The following BLTP1 variants were observed in gnomAD, a reference collection of about 807,000 sequenced individuals.
The protein encoded by BLTP1 is fragile site-associated protein.
the BLTP1 span, chr4:122,349,753 C>A: frequency 6.5e-7 from 1 of 1,539,132 alleles, no homozygotes; most frequent in Non-Finnish European, 8.7e-7. The surrounding 1 kb of genome is among the most constrained non-coding windows in gnomAD (Gnocchi z 4.5). Context: ...ATTTATTATG[C>A]AATTAATACA....
chr4:122,308,001 A>C, the BLTP1 span: 2 of 1,613,446 alleles, frequency 1.2e-6, no homozygotes, highest in Non-Finnish European at 1.7e-6. Flanking sequence ...GGAATGAACA[A>C]CGAATGGCTT....
chr4:122,355,753 C>G, the BLTP1 span: 25 of 1,538,304 alleles, frequency 1.6e-5, no homozygotes, highest in African/African-American at 4.1e-5. Context: ...TTGTCAATGC[C>G]TATTGTTTTA....
the BLTP1 span, chr4:122,251,064 C>T: frequency 1.0e-6 from 1 of 985,308 alleles, no homozygotes; most frequent in South Asian, 4.7e-5. Flanking sequence ...ACAGTAACAG[C>T]AACAACAAAA....
chr4:122,167,573 T>A, the BLTP1 span: 1 of 726,752 alleles, frequency 1.4e-6, no homozygotes, highest in South Asian at 6.2e-5. Context: ...CTGCCCCTAC[T>A]GGCCATGGAT....
At chr4:122,351,383 A>G in the BLTP1 span, 1 of 210,686 alleles carries the variant, frequency 4.7e-6, no homozygotes, top group Admixed American at 6.5e-5. Context: ...TTAAGAAAAT[A>G]TCAAAATTCA....
At chr4:122,325,504 A>C in the BLTP1 span, 6 of 984,928 alleles carry the variant, frequency 6.1e-6, no homozygotes, top group Non-Finnish European at 7.2e-6. Context: ...TCTGAGAGCC[A>C]TGAAGCAGGT....
At chr4:122,237,269 T>C in the BLTP1 span, 1 of 985,252 alleles carries the variant, frequency 1.0e-6, no homozygotes, top group Non-Finnish European at 1.2e-6. Context: ...TAGGCAGCTA[T>C]AGAATTCTCT....
chr4:122,207,135 C>T, the BLTP1 span: 2 of 1,604,372 alleles, frequency 1.2e-6, no homozygotes, highest in African/African-American at 1.3e-5. Flanking sequence ...GGTCTAGTGA[C>T]AGTCCTCCAG....
At chr4:122,250,444 G>C in the BLTP1 span, 4 of 1,613,692 alleles carry the variant, frequency 2.5e-6, no homozygotes, top group African/African-American at 5.3e-5. Context: ...GTGGAGTGCT[G>C]ACATCCAATA....
At chr4:122,346,812 A>G in the BLTP1 span, 1 of 1,586,086 alleles carries the variant, frequency 6.3e-7, no homozygotes, top group Non-Finnish European at 8.6e-7. Flanking sequence ...CAAGACCTAC[A>G]ATTGATAACA....
the BLTP1 span, among the ~76,000 whole-genome samples, chr4:122,166,857 A>C: frequency 6.6e-6 from 1 of 152,214 alleles, no homozygotes; most frequent in Non-Finnish European, 1.5e-5. Context: ...GAGTTCACTC[A>C]TGATTTGGCT....
At chr4:122,169,633 C>G in the BLTP1 span, 2 of 961,524 alleles carry the variant, frequency 2.1e-6, no homozygotes, top group East Asian at 1.2e-4. Context: ...GTTGGTACAT[C>G]TCAATATTCA....
At chr4:122,237,099 ATAT>A in the BLTP1 span, 3 of 984,418 alleles carry the variant, frequency 3.0e-6, no homozygotes, top group Non-Finnish European at 3.6e-6. Flanking sequence ...GAAGTAACTA[ATAT>A]TATATTTTAG....
At chr4:122,184,993 T>C in the BLTP1 span, 27 of 984,296 alleles carry the variant, frequency 2.7e-5, no homozygotes, top group Non-Finnish European at 3.3e-5. Flanking sequence ...TCATATAGTA[T>C]AGAAGAGGGG....
At chr4:122,361,625 A>G in the BLTP1 span, among the ~76,000 whole-genome samples, 1 of 152,288 alleles carries the variant, frequency 6.6e-6, no homozygotes, top group Non-Finnish European at 1.5e-5. Flanking sequence ...AAGAATAGGG[A>G]AAAAATGGTT....
chr4:122,300,583 CTAAA>C, the BLTP1 span, among the ~76,000 whole-genome samples: 1 of 152,012 alleles, frequency 6.6e-6, no homozygotes, highest in Admixed American at 6.6e-5. Flanking sequence ...ATAGTACTAA[CTAAA>C]TAGATTTTTG....
chr4:122,317,995 G>A, the BLTP1 span: 6 of 697,984 alleles, frequency 8.6e-6, no homozygotes, highest in Admixed American at 3.9e-5. Flanking sequence ...TTAACAGTTC[G>A]CCAAATATGA....
chr4:122,189,940 A>G, the BLTP1 span: 3 of 1,589,790 alleles, frequency 1.9e-6, no homozygotes, highest in African/African-American at 2.7e-5. Flanking sequence ...TAACTAGGAT[A>G]CTGAACATTT....
At chr4:122,154,913 T>C in the BLTP1 span, 1 of 936,254 alleles carries the variant, frequency 1.1e-6, no homozygotes, top group African/African-American at 1.8e-5. Context: ...TAGTTGACTT[T>C]TGGTTTGTTT....
Sources: gnomAD v4.1 joint callset for allele counts (sites outside exome capture counted in the v4.1 genomes callset) on GRCh38, gnomAD v4.1.1 for gene constraint, Gnocchi (gnomAD v3.1) non-coding constraint, MANE v1.5 for transcripts, NCBI Gene and HGNC (gene_info 2026-07-23, HGNC 2026-07-21) for gene names.